CRLF1: variants seen among roughly 807,000 people sequenced by gnomAD.
CRLF1 encodes cytokine receptor like factor 1.
In CRLF1, 36 loss-of-function variants were observed where a neutral mutation model predicts 48.9. The observed-to-expected ratio is 0.74, with a 90% CI of 0.56 to 0.97. The LOEUF (loss-of-function observed/expected upper bound fraction) is 0.97, where lower values mean the gene tolerates loss of function less well. Among genes scored for constraint, CRLF1 ranks in the 50% least tolerant of loss-of-function variants. The probability of loss-of-function intolerance (pLI) is 0.00; values close to 1 mark genes in which losing one functional copy is unlikely to be tolerated. For missense variants in CRLF1, 534 were observed against 575.1 expected, an observed-to-expected ratio of 0.93 and a Z score of 0.73; for synonymous variants, 256 against 253.4, an observed-to-expected ratio of 1.01 and a Z score of -0.10.
intron 8 of CRLF1, 35 bp downstream of exon 8, chr19:18,594,030 G>GCGGGGGGGGGCC: frequency 2.3e-6 from 3 of 1,315,312 alleles, no homozygotes; most frequent in Non-Finnish European, 2.1e-6. Flanking sequence ...CCCTCCCCTT[G>GCGGGGGGGGGCC]CTCCCTCCCG....
chr19:18,603,525 G>A (rs1229435090), intron 1 of CRLF1, among the ~76,000 whole-genome samples: 2 of 152,160 alleles, frequency 1.3e-5, no homozygotes, highest in Non-Finnish European at 2.9e-5. Context: ...GGAGGGATGC[G>A]GTGAGATATG....
intron 1 of CRLF1, 142 bp from the exon 2 acceptor site, chr19:18,599,988 G>C: frequency 2.1e-6 from 2 of 954,898 alleles, no homozygotes. Context: ...GGAAGGTAGA[G>C]ATCAGTTGGG....
chr19:18,594,132 T>C (rs1460610364), intron 7 of CRLF1, 25 bp from the exon 8 acceptor site: 2 of 1,552,740 alleles, frequency 1.3e-6, no homozygotes, highest in Non-Finnish European at 1.7e-6. Context: ...AAGGCAGAGG[T>C]GTCGTGGGGG....
At position 18,598,813 on chromosome 19, in the gene CRLF1, C is replaced by T. The variant is rs747646025; in HGVS notation, c.486G>A (p.Glu162=). The change falls in exon 3 of 9, where the codon GAG becomes GAA. Residue 162 remains glutamate (E), a synonymous_variant. Transcript: ENST00000392386. ...GGGAGTAGTTGGTGTGGAGGAAGGT[C>T]TCCCCGTGGGCCCCTGGCGTCCAGC... is the stretch of plus-strand genomic sequence containing the variant. ...TCRWTPGAHG[E]TFLHTNYSLK... The T allele has an allele frequency of 6.2e-7, 1 of 1,614,112 alleles. No individual in the cohort carries two copies.
rs367833835 is a variant in CRLF1 at position 18,599,816 on chromosome 19, G to A, written c.146C>T (p.Thr49Met). Residue 49 changes from threonine (T) to methionine (M), a missense_variant, in exon 2 of 9, where the codon ACG becomes ATG. Physicochemically the swap from Thr to Met is moderately conservative, Grantham distance 81 (BLOSUM62 -1). Transcript: ENST00000392386. ...HTAVISPQDPTLLIGSSLLAT... is the reference protein window; with the variant it reads ...HTAVISPQDPMLLIGSSLLAT... ...CAGCAGGGAGGAGCCGATGAGAAGCGTGGGATCCTGGGGACTGATCACAGC... is the reference window on the plus strand; with the variant it reads ...CAGCAGGGAGGAGCCGATGAGAAGCATGGGATCCTGGGGACTGATCACAGC... 37 of 1,565,516 alleles carry A rather than the reference G, an allele frequency of 2.4e-5. No individual in the cohort carries two copies. Among genetic ancestry groups the A allele is most frequent in the Non-Finnish European group, 2.9e-5 (33 of 1,152,184 alleles).
intron 1 of CRLF1, among the ~76,000 whole-genome samples, chr19:18,605,986 C>T (rs1318883962): frequency 6.6e-6 from 1 of 152,098 alleles, no homozygotes; most frequent in Admixed American, 6.5e-5. Flanking sequence ...GACCCCCGTG[C>T]GCCGGGTCCC....
intron 1 of CRLF1, among the ~76,000 whole-genome samples, chr19:18,602,545 G>A (rs1568442599): frequency 6.6e-6 from 1 of 151,944 alleles, no homozygotes; most frequent in Non-Finnish European, 1.5e-5. Context: ...TGGAGCCCGG[G>A]AAGTTGAGGC....
chr19:18,594,225 C>A, intron 7 of CRLF1, 22 bp downstream of exon 7: 1 of 1,612,534 alleles, frequency 6.2e-7, no homozygotes. Context: ...CACCCCCACG[C>A]CCGAGGGTCC....
chr19:18,601,192 C>G (rs1455223755), intron 1 of CRLF1, among the ~76,000 whole-genome samples: 1 of 152,030 alleles, frequency 6.6e-6, no homozygotes, highest in Non-Finnish European at 1.5e-5. Context: ...GCTCCCAGAG[C>G]CTCACACATA....
chr19:18,594,032 T>TTTCCCCCCCCCCCCC, intron 8 of CRLF1, 33 bp downstream of exon 8: 1 of 695,814 alleles, frequency 1.4e-6, no homozygotes, highest in Non-Finnish European at 2.2e-6. Context: ...CTCCCCTTGC[T>TTTCCCCCCCCCCCCC]CCCTCCCGCC....
At chr19:18,605,018 C>T (rs915679549) in intron 1 of CRLF1, among the ~76,000 whole-genome samples, 1 of 152,214 alleles carries the variant, frequency 6.6e-6, no homozygotes, top group African/African-American at 2.4e-5. Flanking sequence ...CCTGCAGACA[C>T]TTTACGACCC....
chr19:18,600,100 A>C (rs932939113), intron 1 of CRLF1, among the ~76,000 whole-genome samples: 3 of 152,080 alleles, frequency 2.0e-5, no homozygotes, highest in African/African-American at 7.2e-5. Flanking sequence ...TTCATCACTG[A>C]CATGCTTAAG....
chr19:18,600,316 A>G (rs1976204160), intron 1 of CRLF1, among the ~76,000 whole-genome samples: 1 of 150,748 alleles, frequency 6.6e-6, no homozygotes, highest in Non-Finnish European at 1.5e-5. Context: ...CTTCTGCCTC[A>G]GCCTCCCGAG....
chr19:18,604,240 G>A (rs551058736), intron 1 of CRLF1, among the ~76,000 whole-genome samples: 8 of 152,304 alleles, frequency 5.3e-5, no homozygotes, highest in Admixed American at 4.6e-4. Flanking sequence ...GCCAGCAGCT[G>A]CAGCTGCCCT....
At position 18,599,636 on chromosome 19, in the gene CRLF1, C is replaced by G. The variant is rs767530836; in HGVS notation, c.326G>C (p.Arg109Pro). The G allele has an allele frequency of 6.2e-7, 1 of 1,613,374 alleles. No individual in the cohort carries two copies. The highest frequency in any genetic ancestry group is 8.5e-7 in the Non-Finnish European group (1 of 1,179,992). ...GTGGCACACGAGGTTGTCCCCCGAC[C>G]GCTGCCTGGACCCATTGAGGTTGGC... is the stretch of plus-strand genomic sequence containing the variant. ...ALANLNGSRQ[R>P]SGDNLVCHAR... Residue 109 changes from arginine (R) to proline (P), a missense_variant, in exon 2 of 9, where the codon CGG (arginine) becomes CCG (proline). Physicochemically the swap from Arg to Pro is moderately radical, Grantham distance 103. Around this residue, in one of 2 missense-constraint regions of CRLF1, gnomAD observed 528 missense variants for 555.7 expected, o/e 0.95. Coordinates refer to ENST00000392386, the MANE Select transcript of CRLF1 (RefSeq NM_004750.5).
At chr19:18,597,515 C>T (rs1353564666) in intron 4 of CRLF1, among the ~76,000 whole-genome samples, 3 of 144,500 alleles carry the variant, frequency 2.1e-5, no homozygotes, top group Middle Eastern at 3.6e-3. Flanking sequence ...CTGCAAGCTC[C>T]GCCTCCCGGG....
At chr19:18,597,536 TCTC>T (rs1486169268) in intron 4 of CRLF1, among the ~76,000 whole-genome samples, 2 of 146,180 alleles carry the variant, frequency 1.4e-5, no homozygotes, top group African/African-American at 5.1e-5. Flanking sequence ...TTCACGCCAT[TCTC>T]CTGCCTCAGC....
intron 2 of CRLF1, 36 bp from the exon 3 acceptor site, chr19:18,598,937 G>T: frequency 6.2e-7 from 1 of 1,611,656 alleles, no homozygotes; most frequent in Non-Finnish European, 8.5e-7. Context: ...GCAGGCTGAG[G>T]GTCTGGACTA....
intron 1 of CRLF1, among the ~76,000 whole-genome samples, chr19:18,603,034 T>C (rs890490810): frequency 1.3e-5 from 2 of 152,228 alleles, no homozygotes; most frequent in Non-Finnish European, 2.9e-5. Context: ...TCTTTGAGCC[T>C]CTGGAAAGGG....
Sources: gnomAD v4.1 joint callset for allele counts (sites outside exome capture counted in the v4.1 genomes callset) on GRCh38, gnomAD v4.1.1 for gene constraint, gnomAD v4.1.1 regional missense constraint, MANE v1.5 for transcripts, NCBI Gene and HGNC (gene_info 2026-07-23, HGNC 2026-07-21) for gene names.